The following PAX3 variants were observed in gnomAD, a reference collection of about 807,000 sequenced individuals.
The protein encoded by PAX3 is paired box 3, also known as paired box protein Pax-3.
A neutral mutation model predicts 51.6 loss-of-function variants in PAX3; 14 were observed. The observed-to-expected ratio is 0.27, with a 90% CI of 0.18 to 0.42. The LOEUF is 0.42. Among genes scored for constraint, PAX3 ranks in the 10% least tolerant of loss-of-function variants. The pLI, the probability that PAX3 is intolerant of heterozygous loss-of-function variation, is 1.00. For synonymous variants in PAX3, 280 were observed against 253.4 expected (o/e 1.11, Z -1.00); for missense variants, 540 against 642.8 (o/e 0.84, Z 1.73).
intron 5 of PAX3, chr2:222,221,783 G>T (rs375124265): frequency 9.3e-6 from 2 of 215,400 alleles, no homozygotes; most frequent in African/African-American, 2.3e-5. Flanking sequence ...CCTAAATGTG[G>T]CCTTGCCTTT....
intron 4 of PAX3, among the ~76,000 whole-genome samples, chr2:222,281,920 A>G (rs1028598235): frequency 6.6e-6 from 1 of 152,220 alleles, no homozygotes; most frequent in African/African-American, 2.4e-5. Context: ...GCCATCTTCC[A>G]TCTAAGCACA....
Position 222,201,445 on chromosome 2 carries a change from G to C in PAX3, c.1421-3C>G. ...TGGCTTGAGATAATGAAAGGCACCT[G>C]TAAGGAAACACACGCAGCTTTTTAG... On this transcript the variant is annotated splice_polypyrimidine_tract_variant and splice_region_variant and intron_variant, in intron 8 of 8. Coordinates refer to ENST00000392070, the MANE Select transcript of PAX3 (RefSeq NM_181458.4). The C allele has an allele frequency of 1.2e-6, 2 of 1,614,116 alleles. No individual in the cohort carries two copies. Among genetic ancestry groups the C allele is most frequent in the Non-Finnish European group, 1.7e-6 (2 of 1,179,998 alleles).
chr2:222,240,431 A>T (rs1490624723), intron 4 of PAX3, among the ~76,000 whole-genome samples: 1 of 152,154 alleles, frequency 6.6e-6, no homozygotes, highest in East Asian at 1.9e-4. Flanking sequence ...CTCTGGATGG[A>T]GTTCTGTCTC....
At chr2:222,262,198 C>A (rs1039776850) in intron 4 of PAX3, among the ~76,000 whole-genome samples, 3 of 152,112 alleles carry the variant, frequency 2.0e-5, no homozygotes, top group Non-Finnish European at 4.4e-5. Flanking sequence ...TATTACTGAA[C>A]AAGACTCCAA....
At chr2:222,272,430 T>A (rs1190668228) in intron 4 of PAX3, among the ~76,000 whole-genome samples, 1 of 152,230 alleles carries the variant, frequency 6.6e-6, no homozygotes, top group African/African-American at 2.4e-5. Context: ...ACATTTGTTA[T>A]GAAGTAATAA....
chr2:222,297,313 TCATGTTA>T, intron 1 of PAX3, 100 bp from the exon 2 acceptor site: 1 of 876,950 alleles, frequency 1.1e-6, no homozygotes, highest in East Asian at 2.6e-5. Flanking sequence ...TGTCCTATCC[TCATGTTA>T]CAGCACCGAC....
intron 4 of PAX3, among the ~76,000 whole-genome samples, chr2:222,255,917 A>AT (rs57757180): frequency 0.21 from 20,581 of 97,968 alleles, 2,450 homozygotes; most frequent in African/African-American, 0.31. Flanking sequence ...CGCCCAGCTA[A>AT]TTTTTTTTTT....
intron 5 of PAX3, 125 bp downstream of exon 5, chr2:222,231,953 C>T (rs1692612038): frequency 1.2e-6 from 1 of 816,340 alleles, no homozygotes; most frequent in East Asian, 2.5e-5. Flanking sequence ...TAACAATATG[C>T]ATCCCTAGTA....
intron 4 of PAX3, among the ~76,000 whole-genome samples, chr2:222,238,438 C>A (rs1213946152): frequency 6.6e-6 from 1 of 151,866 alleles, no homozygotes; most frequent in Non-Finnish European, 1.5e-5. Flanking sequence ...GGGAGACAGG[C>A]AAAAAATGGA....
chr2:222,250,146 A>T (rs1374014258), intron 4 of PAX3, among the ~76,000 whole-genome samples: 2 of 152,100 alleles, frequency 1.3e-5, no homozygotes, highest in African/African-American at 4.8e-5. Context: ...CACCCTTCCC[A>T]TCACTCTGTT....
At chr2:222,218,360 T>C (rs2253377) in intron 7 of PAX3, among the ~76,000 whole-genome samples, 146,771 of 152,264 alleles carry the variant, frequency 0.96, 70,784 homozygotes, top group East Asian at 1. Context: ...AGATAATACA[T>C]TTATACAAGA....
chr2:222,221,394 A>G lies in PAX3; in HGVS notation c.793-7T>C. ...GGCGGTTGCTAAACCAGACCTATGG[A>G]TTTAATTTAAAATTTAAGGATTTCA... is the stretch of plus-strand genomic sequence containing the variant. On this transcript the variant is annotated splice_region_variant and splice_polypyrimidine_tract_variant and intron_variant, in intron 5 of 8. Transcript: ENST00000392070. 6.2e-7 allele frequency: 1 copy of G among 1,612,628 alleles called. No homozygotes were observed. The highest frequency in any genetic ancestry group is 8.5e-7 in the Non-Finnish European group (1 of 1,178,640).
rs1574647896 is a variant in PAX3, at chr2:222,221,281, G to A, written c.899C>T (p.Pro300Leu). ...CGACAGCTGGTACGTTGGCAAGGTC[G>A]GCATGGCAGTGGGAGGGAACCCCCC... ...IPGGFPPTAM[P>L]TLPTYQLSET... Residue 300 changes from proline (P) to leucine (L), a missense_variant, in exon 6 of 9, where the codon CCG (proline) becomes CTG (leucine). This residue lies in a region of PAX3 where 427 missense variants were observed against 483.6 expected (regional missense o/e 0.88). Coordinates refer to ENST00000392070, the MANE Select transcript of PAX3 (RefSeq NM_181458.4). The A allele has an allele frequency of 5.0e-6, 8 of 1,613,918 alleles. No individual in the cohort carries two copies. The highest frequency in any genetic ancestry group is 3.3e-5 in the Admixed American group (2 of 59,992).
rs1229892794 is a variant in PAX3 at position 222,221,249 on chromosome 2, A to G, written c.931T>C (p.Ser311Pro). 1 of 1,613,906 alleles carries G rather than the reference A, an allele frequency of 6.2e-7. No homozygotes were observed. The change falls in exon 6 of 9, where the codon TCT becomes CCT. Residue 311 changes from serine (S) to proline (P), a missense_variant. Around this residue, in one of 3 missense-constraint regions of PAX3, gnomAD observed 427 missense variants for 483.6 expected, o/e 0.88. Coordinates refer to ENST00000392070, the MANE Select transcript of PAX3 (RefSeq NM_181458.4). ...TGTGGAATAGATGTGGGCTGGTAAGAGGTCTCCGACAGCTGGTACGTTGGC... is the reference window on the plus strand; with the variant it reads ...TGTGGAATAGATGTGGGCTGGTAAGGGGTCTCCGACAGCTGGTACGTTGGC... ...TLPTYQLSET[S>P]YQPTSIPQAV...
chr2:222,295,441 TA>T, intron 3 of PAX3, 86 bp downstream of exon 3: 1 of 1,465,434 alleles, frequency 6.8e-7, no homozygotes, highest in Non-Finnish European at 9.6e-7. Flanking sequence ...CTGAGATCGA[TA>T]ATTGGGGTGA....
intron 7 of PAX3, among the ~76,000 whole-genome samples, chr2:222,210,347 C>T (rs1475534302): frequency 6.6e-6 from 1 of 152,138 alleles, no homozygotes; most frequent in African/African-American, 2.4e-5. Flanking sequence ...TACCCTTATC[C>T]TTGGCTGGTG....
intron 7 of PAX3, among the ~76,000 whole-genome samples, chr2:222,219,091 TA>T (rs1309968226): frequency 6.6e-6 from 1 of 152,176 alleles, no homozygotes; most frequent in African/African-American, 2.4e-5. Context: ...TTTGTGCCAT[TA>T]AAATCTCATT....
rs752188360 is a variant in PAX3 at position 222,232,114 on chromosome 2, C to T, written c.756G>A (p.Leu252=). Residue 252 remains leucine, a synonymous_variant, in exon 5 of 9, where the codon CTG becomes CTA. Coordinates refer to ENST00000392070, the MANE Select transcript of PAX3 (RefSeq NM_181458.4). The stretch of plus-strand genomic sequence containing the variant: ...CCTCGGTGAGCTTCGCCCTCTGGGC[C>T]AGTTCCTCCCTAGTATAAATGTCAG... ...HYPDIYTREE[L]AQRAKLTEAR... is the part of the protein sequence containing the mutation. 4.3e-6 allele frequency: 7 copies of T among 1,613,940 alleles called. No individual in the cohort carries two copies. The Admixed American group carries it at 1.2e-4, about 27-fold the overall frequency.
At chr2:222,226,951 T>G (rs1161774461) in intron 5 of PAX3, among the ~76,000 whole-genome samples, 3 of 151,792 alleles carry the variant, frequency 2.0e-5, no homozygotes, top group African/African-American at 7.3e-5. Context: ...GGAGCAAAAT[T>G]TTGTGTACAA....
Sources: gnomAD v4.1 joint callset for allele counts (sites outside exome capture counted in the v4.1 genomes callset) on GRCh38, gnomAD v4.1.1 for gene constraint, gnomAD v4.1.1 regional missense constraint, MANE v1.5 for transcripts, NCBI Gene and HGNC (gene_info 2026-07-23, HGNC 2026-07-21) for gene names.